Variants in GPM6A observed in about 807,000 individuals in gnomAD.
GPM6A encodes the protein neuronal membrane glycoprotein M6-a.
A neutral mutation model predicts 32.1 loss-of-function variants in GPM6A; 7 were observed. The ratio of observed to expected loss-of-function variants is 0.22; its 90% CI spans 0.12 to 0.41. The LOEUF (loss-of-function observed/expected upper bound fraction) is 0.41, where lower values mean the gene tolerates loss of function less well. GPM6A is among the 10% of genes least tolerant of loss of function. The pLI, the probability that GPM6A is intolerant of heterozygous loss-of-function variation, is 1.00. For missense variants in GPM6A, 235 were observed against 347.2 expected (o/e 0.68, Z 2.57); for synonymous variants, 130 against 123.4 (o/e 1.05, Z -0.35).
chr4:175,725,677 C>T (rs890945009), intron 1 of GPM6A, among the ~76,000 whole-genome samples: 1 of 152,020 alleles, frequency 6.6e-6, no homozygotes, highest in Non-Finnish European at 1.5e-5. Context: ...AAATGATCAG[C>T]CTGTATTTCC....
At chr4:175,805,266 C>G (rs1358597387) in intron 1 of GPM6A, among the ~76,000 whole-genome samples, 2 of 151,952 alleles carry the variant, frequency 1.3e-5, no homozygotes, top group Non-Finnish European at 1.5e-5. Flanking sequence ...AAGTTTTTCT[C>G]CCATATTTTA....
Position 175,770,652 on chromosome 4 carries a change from A to G in GPM6A, c.37+41539T>C, listed in dbSNP as rs147655977. On this transcript the variant is annotated intron_variant, in intron 1 of 6. Coordinates refer to ENST00000393658, the MANE Select transcript of GPM6A (RefSeq NM_201591.3). ...CAACTTTCCTTTTCAAAATTTTCCC[A>G]TGTGGGTCCAGTCTCTGAAGACTGA... Among the ~76,000 whole-genome samples, 19 of 152,136 alleles carry G rather than the reference A, an allele frequency of 1.2e-4. No homozygotes were observed. The East Asian group carries it at 3.7e-3, about 29-fold the overall frequency.
chr4:175,951,640 G>T (rs1440364495), intron 1 of GPM6A, among the ~76,000 whole-genome samples: 4 of 152,178 alleles, frequency 2.6e-5, no homozygotes, highest in Admixed American at 6.5e-5. Flanking sequence ...TAGCTAATAA[G>T]AAATATGAAT....
intron 1 of GPM6A, chr4:175,970,964 G>A: frequency 2.2e-6 from 1 of 451,428 alleles, no homozygotes; most frequent in Non-Finnish European, 4.4e-6. Context: ...CAGAGCCTGT[G>A]CTTGAGCAGC....
At chr4:175,715,500 C>T (rs1469391124) in intron 1 of GPM6A, among the ~76,000 whole-genome samples, 1 of 152,114 alleles carries the variant, frequency 6.6e-6, no homozygotes. Context: ...AATTTTGCCA[C>T]ATTTTATTAT....
chr4:175,960,737 C>T (rs1740137957), intron 1 of GPM6A: 3 of 152,122 alleles, frequency 2.0e-5, no homozygotes, highest in African/African-American at 7.2e-5. Flanking sequence ...CTAAATAAGA[C>T]ACTTACCTTC....
intron 1 of GPM6A, among the ~76,000 whole-genome samples, chr4:175,982,509 T>C (rs76757918): frequency 0.018 from 2,715 of 152,260 alleles, 66 homozygotes; most frequent in African/African-American, 0.061. Flanking sequence ...ATACTTTGCT[T>C]TTCTCCACTT....
chr4:175,758,388 C>G (rs1271438986), intron 1 of GPM6A, among the ~76,000 whole-genome samples: 7 of 152,038 alleles, frequency 4.6e-5, no homozygotes, highest in Non-Finnish European at 7.4e-5. Flanking sequence ...TTTAAGACAT[C>G]AATAAGGAAT....
intron 3 of GPM6A, among the ~76,000 whole-genome samples, chr4:175,669,194 TTAAGC>T: frequency 6.6e-6 from 1 of 152,208 alleles, no homozygotes; most frequent in African/African-American, 2.4e-5. Flanking sequence ...AAATTTGATT[TTAAGC>T]TATGGAACGG....
At position 175,634,824 on chromosome 4, in the gene GPM6A, G is replaced by A. The variant is rs1301396600; in HGVS notation, c.*81C>T. ...CATTGATGAGAAGCACTTTCGTTTTGTTTTTTAAAGGTTGGATGGTTGGAT... is the reference window on the plus strand; with the variant it reads ...CATTGATGAGAAGCACTTTCGTTTTATTTTTTAAAGGTTGGATGGTTGGAT... On this transcript the variant is annotated 3_prime_UTR_variant, in exon 7 of 7. Coordinates refer to ENST00000393658, the MANE Select transcript of GPM6A (RefSeq NM_201591.3). 4 of 1,201,570 alleles carry A rather than the reference G, an allele frequency of 3.3e-6. No individual in the cohort carries two copies. The highest frequency in any genetic ancestry group is 4.1e-5 in the Admixed American group (2 of 48,906). The allele number at this position is 1,201,570 out of a possible 1,614,324, so 74.4% of individuals were successfully genotyped here.
intron 1 of GPM6A, among the ~76,000 whole-genome samples, chr4:175,835,802 T>G (rs1487124057): frequency 6.8e-6 from 1 of 148,100 alleles, no homozygotes; most frequent in Non-Finnish European, 1.5e-5. Context: ...ATATATACTT[T>G]ATAAACCTGT....
At chr4:175,702,713 C>T (rs1471368829) in intron 1 of GPM6A, among the ~76,000 whole-genome samples, 1 of 152,168 alleles carries the variant, frequency 6.6e-6, no homozygotes, top group Non-Finnish European at 1.5e-5. Flanking sequence ...GACAGGGTTT[C>T]ACCATATTGG....
At chr4:175,730,330 C>A (rs936889668) in intron 1 of GPM6A, among the ~76,000 whole-genome samples, 6 of 152,094 alleles carry the variant, frequency 3.9e-5, no homozygotes, top group Admixed American at 3.9e-4. Context: ...GCCACCTCTG[C>A]CTCCCGGGTT....
intron 2 of GPM6A, among the ~76,000 whole-genome samples, chr4:175,701,367 T>C (rs1044263482): frequency 1.3e-5 from 2 of 152,202 alleles, no homozygotes; most frequent in Non-Finnish European, 2.9e-5. Context: ...TAAGTCCTGA[T>C]TAAGTCGGCC....
intron 1 of GPM6A, among the ~76,000 whole-genome samples, chr4:175,819,597 T>C (rs1221598808): frequency 6.6e-6 from 1 of 152,184 alleles, no homozygotes; most frequent in Non-Finnish European, 1.5e-5. Context: ...TGTCCCCATT[T>C]TGATAGAGGA....
chr4:175,867,737 C>A (rs1286807400), intron 1 of GPM6A, among the ~76,000 whole-genome samples: 1 of 152,056 alleles, frequency 6.6e-6, no homozygotes, highest in Non-Finnish European at 1.5e-5. Flanking sequence ...CAGTTTTATT[C>A]TTTTCCTTCA....
At chr4:175,720,317 T>C (rs1746051051) in intron 1 of GPM6A, among the ~76,000 whole-genome samples, 1 of 152,202 alleles carries the variant, frequency 6.6e-6, no homozygotes, top group Non-Finnish European at 1.5e-5. Context: ...TTTTATTTCA[T>C]GTTACTAATC....
At chr4:175,740,260 A>G (rs369909967) in intron 1 of GPM6A, among the ~76,000 whole-genome samples, 5 of 152,104 alleles carry the variant, frequency 3.3e-5, no homozygotes, top group African/African-American at 7.2e-5. Flanking sequence ...ATAAAAATGA[A>G]AATACATAGA....
chr4:175,913,538 C>T (rs999174355), intron 1 of GPM6A, among the ~76,000 whole-genome samples: 13 of 152,214 alleles, frequency 8.5e-5, no homozygotes, highest in African/African-American at 7.2e-5. Flanking sequence ...GCCCAAAGTG[C>T]TGAGTGATTT....
Sources: allele counts gnomAD v4.1 joint callset (sites outside exome capture counted in the v4.1 genomes callset), GRCh38; gene constraint gnomAD v4.1.1; transcripts MANE v1.5; gene names NCBI Gene and HGNC (gene_info 2026-07-23, HGNC 2026-07-21).